SGCD: variants seen among roughly 807,000 people sequenced by gnomAD.
The protein encoded by SGCD is delta-sarcoglycan.
Under a neutral mutation model 36.6 loss-of-function variants are expected in SGCD, and 18 were observed. The observed-to-expected ratio is 0.49, with a 90% CI of 0.34 to 0.73. The LOEUF (loss-of-function observed/expected upper bound fraction) is 0.73. SGCD is among the 30% of genes least tolerant of loss of function. SGCD has a pLI of 0.01. For missense variants in SGCD, 387 were observed against 346.7 expected (o/e 1.12, Z -0.92); for synonymous variants, 133 against 130.6 (o/e 1.02, Z -0.12).
chr5:156,213,030 T>A (rs935546483), intron 3 of SGCD, among the ~76,000 whole-genome samples: 1 of 151,942 alleles, frequency 6.6e-6, no homozygotes, highest in African/African-American at 2.4e-5. Context: ...TAGTAATAAA[T>A]GTCTACATCA....
intron 3 of SGCD, among the ~76,000 whole-genome samples, chr5:156,398,058 A>G (rs893601183): frequency 6.6e-6 from 1 of 152,178 alleles, no homozygotes; most frequent in African/African-American, 2.4e-5. Context: ...GGCTGGATAC[A>G]TCTCCCCTGA....
At chr5:155,733,019 T>C in the SGCD span, among the ~76,000 whole-genome samples, 4 of 77,752 alleles carry the variant, frequency 5.1e-5, no homozygotes, top group Non-Finnish European at 1.3e-4. Context: ...TACTCGTTTT[T>C]TTTTTTTTTT....
intron 1 of SGCD, among the ~76,000 whole-genome samples, chr5:155,917,466 C>T (rs1641031806): frequency 6.6e-6 from 1 of 152,036 alleles, no homozygotes; most frequent in South Asian, 2.1e-4. Flanking sequence ...ATTATTGGTA[C>T]TTTGAATAGT....
chr5:156,689,653 T>C (rs966369433), intron 7 of SGCD, among the ~76,000 whole-genome samples: 1 of 152,174 alleles, frequency 6.6e-6, no homozygotes, highest in East Asian at 1.9e-4. Flanking sequence ...ACCATCCAAA[T>C]TGAGAATTTG....
chr5:156,655,107 T>G (rs933191010), intron 7 of SGCD, among the ~76,000 whole-genome samples: 1 of 152,156 alleles, frequency 6.6e-6, no homozygotes, highest in Non-Finnish European at 1.5e-5. Flanking sequence ...TTCTTGGTCT[T>G]ACTTGTCAAT....
intron 7 of SGCD, among the ~76,000 whole-genome samples, chr5:156,720,123 GACC>G (rs1335208388): frequency 6.6e-6 from 1 of 152,178 alleles, no homozygotes; most frequent in African/African-American, 2.4e-5. Flanking sequence ...AGCCAAAAGA[GACC>G]ACGTTTGTGT....
intron 1 of SGCD, among the ~76,000 whole-genome samples, chr5:156,074,524 A>G (rs1334763703): frequency 6.6e-6 from 1 of 152,130 alleles, no homozygotes; most frequent in Non-Finnish European, 1.5e-5. Flanking sequence ...TCTACTAAAA[A>G]TATAAAAATT....
intron 3 of SGCD, among the ~76,000 whole-genome samples, chr5:156,383,233 G>A (rs1309622633): frequency 6.6e-6 from 1 of 152,166 alleles, no homozygotes; most frequent in African/African-American, 2.4e-5. Flanking sequence ...GCCGGGTGTG[G>A]TAGTTCACAC....
chr5:155,902,199 T>C (rs1756407006), intron 1 of SGCD, among the ~76,000 whole-genome samples: 1 of 152,202 alleles, frequency 6.6e-6, no homozygotes. Context: ...TGTTTTTGCA[T>C]GTATAAAAAG....
At chr5:155,942,381 C>A (rs1258671898) in intron 1 of SGCD, among the ~76,000 whole-genome samples, 1 of 125,844 alleles carries the variant, frequency 7.9e-6, no homozygotes, top group Non-Finnish European at 1.8e-5. Context: ...GCCTACCTAC[C>A]TAATCAATCA....
intron 1 of SGCD, among the ~76,000 whole-genome samples, chr5:155,948,303 TAATA>T (rs779327999): frequency 1.8e-3 from 269 of 152,174 alleles, no homozygotes; most frequent in Non-Finnish European, 2.5e-3. Flanking sequence ...ATAATAATAA[TAATA>T]AATAAAGTTC....
At chr5:155,899,999 C>A (rs894064270) in intron 1 of SGCD, among the ~76,000 whole-genome samples, 2 of 152,030 alleles carry the variant, frequency 1.3e-5, no homozygotes, top group African/African-American at 4.8e-5. Flanking sequence ...TATTGTTAAC[C>A]TTTTACTAAT....
At chr5:156,142,423 A>G (rs1762604256) in intron 3 of SGCD, among the ~76,000 whole-genome samples, 1 of 152,210 alleles carries the variant, frequency 6.6e-6, no homozygotes, top group Non-Finnish European at 1.5e-5. Flanking sequence ...CAGCTTTGGA[A>G]CTAGGTAATG....
At chr5:155,871,950 G>A (rs1341033933) in intron 1 of SGCD, among the ~76,000 whole-genome samples, 1 of 152,194 alleles carries the variant, frequency 6.6e-6, no homozygotes, top group African/African-American at 2.4e-5. Context: ...AGCTCAAGAG[G>A]TAGAAAGTCC....
intron 7 of SGCD, among the ~76,000 whole-genome samples, chr5:156,720,945 A>G (rs1457970176): frequency 1.3e-5 from 2 of 152,198 alleles, no homozygotes; most frequent in African/African-American, 4.8e-5. Flanking sequence ...AGCAGTAGAC[A>G]TTTCGAAAAG....
At chr5:155,908,201 T>A (rs895725216) in intron 1 of SGCD, among the ~76,000 whole-genome samples, 2 of 152,126 alleles carry the variant, frequency 1.3e-5, no homozygotes, top group Non-Finnish European at 2.9e-5. Context: ...ACTTTTATAA[T>A]GCACTGAAAA....
chr5:156,364,629 G>A (rs373325887), intron 3 of SGCD, among the ~76,000 whole-genome samples: 2 of 152,132 alleles, frequency 1.3e-5, no homozygotes, highest in East Asian at 1.9e-4. Context: ...CTATAGGAAG[G>A]TCATTTTTCC....
chr5:156,286,007 G>T (rs1337121257), intron 3 of SGCD, among the ~76,000 whole-genome samples: 1 of 152,108 alleles, frequency 6.6e-6, no homozygotes, highest in Non-Finnish European at 1.5e-5. Flanking sequence ...TCAAAAAATG[G>T]GTGAAGGATA....
At chr5:156,733,016 C>T (rs759027962) in intron 7 of SGCD, among the ~76,000 whole-genome samples, 1 of 151,234 alleles carries the variant, frequency 6.6e-6, no homozygotes, top group Non-Finnish European at 1.5e-5. Flanking sequence ...TTTCAAAAAA[C>T]CAGCTCCTGG....
Sources: gnomAD v4.1 joint callset for allele counts (sites outside exome capture counted in the v4.1 genomes callset) on GRCh38, gnomAD v4.1.1 for gene constraint, MANE v1.5 for transcripts, NCBI Gene and HGNC (gene_info 2026-07-23, HGNC 2026-07-21) for gene names.